Variants in TGIF1 observed in about 807,000 individuals in gnomAD.
TGIF1 encodes the protein TGFB induced factor homeobox 1, also known as homeobox protein TGIF1.
In TGIF1, 4 loss-of-function variants were observed where a neutral mutation model predicts 19.3. The ratio of observed to expected loss-of-function variants is 0.21; its 90% CI spans 0.10 to 0.47. The LOEUF (loss-of-function observed/expected upper bound fraction) is 0.47, where lower values mean the gene tolerates loss of function less well. TGIF1 is among the 20% of genes least tolerant of loss of function. The pLI is 0.98. For synonymous variants in TGIF1, 122 were observed against 129.3 expected, an observed-to-expected ratio of 0.94 and a Z score of 0.38; for missense variants, 275 against 341.4, an observed-to-expected ratio of 0.81 and a Z score of 1.53.
chr18:3,458,123 A>G lies in TGIF1; in HGVS notation c.*183A>G, dbSNP rs2049423368. ...TTCCAAGAACTATAAACTTAAAGCT[A>G]CTGTAGAAACAAAGGGTTTTCTTTT... On this transcript the variant is annotated 3_prime_UTR_variant, in exon 3 of 3. Transcript: ENST00000343820. 1 of 596,958 alleles carries G rather than the reference A, an allele frequency of 1.7e-6. No individual in the cohort carries two copies. Among genetic ancestry groups the G allele is most frequent in the Non-Finnish European group, 2.9e-6 (1 of 344,994 alleles). The allele number at this position is 596,958 out of a possible 1,614,324, so 37.0% of individuals were successfully genotyped here. A position where few individuals can be genotyped will look rare whatever the true frequency, so the allele number is the denominator to read the frequency against.
intron 2 of TGIF1, among the ~76,000 whole-genome samples, chr18:3,419,816 GC>G (rs1313369689): frequency 6.6e-6 from 1 of 152,102 alleles, no homozygotes; most frequent in Non-Finnish European, 1.5e-5. Context: ...GACCAGCCTG[GC>G]CAACATAGCA....
At chr18:3,452,219 C>G (rs757652544) in intron 1 of TGIF1, 32 of 1,586,726 alleles carry the variant, frequency 2.0e-5, no homozygotes, top group Middle Eastern at 1.7e-4. Flanking sequence ...CCTCCTGCGC[C>G]CCCCCTCCTC....
At chr18:3,449,185 G>C (rs2082818730), upstream of TGIF1, among the ~76,000 whole-genome samples, 1 of 152,172 alleles carries the variant, frequency 6.6e-6, no homozygotes, top group Non-Finnish European at 1.5e-5. Context: ...AACAGGAACG[G>C]GTGTTTACTT....
intron 1 of TGIF1, among the ~76,000 whole-genome samples, chr18:3,453,343 C>A (rs2083049210): frequency 6.6e-6 from 1 of 152,124 alleles, no homozygotes; most frequent in Admixed American, 6.6e-5. Flanking sequence ...CTCTTCACAA[C>A]CGGTGTCTCC....
chr18:3,449,417 T>C (rs1048239502), upstream of TGIF1: 17 of 985,264 alleles, frequency 1.7e-5, no homozygotes, highest in East Asian at 4.5e-4. Context: ...TTAAAGAGCA[T>C]GTGAGCGTGA....
chr18:3,438,596 A>ACAC (rs1555647866), intron 2 of TGIF1, among the ~76,000 whole-genome samples: 1 of 136,002 alleles, frequency 7.4e-6, no homozygotes, highest in Non-Finnish European at 1.6e-5. Context: ...CATACACACA[A>ACAC]ACACACACAC....
intron 1 of TGIF1, among the ~76,000 whole-genome samples, chr18:3,452,686 C>T (rs2083014969): frequency 6.6e-6 from 1 of 152,122 alleles, no homozygotes; most frequent in Admixed American, 6.5e-5. Flanking sequence ...CGTGCTCCTC[C>T]GCCGTCCTCC....
chr18:3,457,875 C>T lies in TGIF1; in HGVS notation c.754C>T (p.Leu252Phe), dbSNP rs868260859. The change falls in exon 3 of 3, where the codon CTT becomes TTT. Residue 252 changes from leucine (L) to phenylalanine (F), a missense_variant. Coordinates refer to ENST00000343820, the MANE Select transcript of TGIF1 (RefSeq NM_003244.4). The surrounding 1 kb of genome is among the most constrained non-coding windows in gnomAD (Gnocchi z 4.9). ...CAACCAGGACTTCAGTGGATTTCAG[C>T]TTCTAGTGGATGTTGCACTCAAACG... Reference protein sequence around the residue: ...DLNQDFSGFQLLVDVALKRAA... With the variant: ...DLNQDFSGFQFLVDVALKRAA... 1 of 1,605,556 alleles carries T rather than the reference C, an allele frequency of 6.2e-7. No homozygotes were observed. Among genetic ancestry groups the T allele is most frequent in the Non-Finnish European group, 8.5e-7 (1 of 1,179,986 alleles).
chr18:3,419,493 G>T (rs562932841), intron 2 of TGIF1, among the ~76,000 whole-genome samples: 1 of 152,162 alleles, frequency 6.6e-6, no homozygotes, highest in Non-Finnish European at 1.5e-5. Context: ...TTATTTTTGT[G>T]TGTTTGTTGG....
chr18:3,441,604 AC>A (rs1161023388), intron 2 of TGIF1, among the ~76,000 whole-genome samples: 1 of 152,150 alleles, frequency 6.6e-6, no homozygotes, highest in African/African-American at 2.4e-5. Flanking sequence ...CCACATACAC[AC>A]CCTGCTTTGA....
upstream of TGIF1, chr18:3,449,877 A>G (rs945941665): frequency 7.2e-5 from 71 of 985,394 alleles, no homozygotes; most frequent in Non-Finnish European, 7.5e-5. Flanking sequence ...AGCCCCGGGA[A>G]GAAAGGCCCA....
At chr18:3,422,344 A>G (rs141707450) in intron 2 of TGIF1, among the ~76,000 whole-genome samples, 1 of 150,862 alleles carries the variant, frequency 6.6e-6, no homozygotes, top group African/African-American at 2.4e-5. Flanking sequence ...AGCTTATAGA[A>G]TATGGACATG....
At chr18:3,454,956 G>A (rs1419489156) in intron 1 of TGIF1, among the ~76,000 whole-genome samples, 3 of 152,096 alleles carry the variant, frequency 2.0e-5, no homozygotes, top group African/African-American at 7.2e-5. Flanking sequence ...TAAAAAACAC[G>A]GTGTTTAGCT....
Position 3,451,766 on chromosome 18 carries a change from G to T in TGIF1, c.16+1261G>T, listed in dbSNP as rs1194714810. 1 of 1,253,700 alleles carries T rather than the reference G, an allele frequency of 8.0e-7. No individual in the cohort carries two copies. The highest frequency in any genetic ancestry group is 1.0e-6 in the Non-Finnish European group (1 of 1,000,244). The allele number at this position is 1,253,700 out of a possible 1,614,324, so 77.7% of individuals were successfully genotyped here. A position where few individuals can be genotyped will look rare whatever the true frequency, so the allele number is the denominator to read the frequency against. On this transcript the variant is annotated intron_variant, in intron 1 of 2. Coordinates refer to ENST00000343820, the MANE Select transcript of TGIF1 (RefSeq NM_003244.4). The surrounding 1 kb of genome is among the most constrained non-coding windows in gnomAD (Gnocchi z 5.4). Reference sequence around the variant, plus strand: ...AACTTGAAACTCGGATCAACTGGCAGTCGTTGTTGGTAGAACGCCCTAAGG... The same window carrying T: ...AACTTGAAACTCGGATCAACTGGCATTCGTTGTTGGTAGAACGCCCTAAGG...
At chr18:3,447,525 G>A (rs2082763934), upstream of TGIF1, 2 of 645,594 alleles carry the variant, frequency 3.1e-6, no homozygotes, top group East Asian at 2.8e-5. Context: ...TTTTGAGGCT[G>A]TTCCCTTTGT....
chr18:3,431,725 A>G (rs2082549576), intron 2 of TGIF1, among the ~76,000 whole-genome samples: 1 of 152,210 alleles, frequency 6.6e-6, no homozygotes. Flanking sequence ...TTATTATTTC[A>G]GATGGAGAGG....
Position 3,451,864 on chromosome 18 carries a change from CCGA to C in TGIF1, c.16+1360_16+1362del. 3 of 1,414,768 alleles carry C rather than the reference CCGA, an allele frequency of 2.1e-6. No individual in the cohort carries two copies. The highest frequency in any genetic ancestry group is 1.8e-5 in the South Asian group (1 of 56,804). 87.6% of individuals were successfully genotyped at this position (1,414,768 alleles called of 1,614,324 possible). A position where few individuals can be genotyped will look rare whatever the true frequency, so the allele number is the denominator to read the frequency against. On this transcript the variant is annotated intron_variant, in intron 1 of 2. Transcript: ENST00000343820. This position sits in a 1 kb window ranked among gnomAD's most constrained non-coding sequence, Gnocchi z 5.4. Reference sequence around the variant, plus strand: ...CTGGGAGAAAACGCGCGGGGGGCGTCCGAGACGCCCCGTGAAAGCCGTGCCGAC... The same window carrying C: ...CTGGGAGAAAACGCGCGGGGGGCGTCGACGCCCCGTGAAAGCCGTGCCGAC...
chr18:3,417,393 C>G (rs985040844), intron 1 of TGIF1, among the ~76,000 whole-genome samples: 3 of 152,186 alleles, frequency 2.0e-5, no homozygotes, highest in African/African-American at 7.2e-5. Flanking sequence ...CTCCTGACCT[C>G]AGGTCATCCA....
intron 2 of TGIF1, among the ~76,000 whole-genome samples, chr18:3,443,121 C>G (rs238544): frequency 1.3e-5 from 2 of 151,988 alleles, no homozygotes; most frequent in Admixed American, 6.5e-5. Context: ...TGGGCCCAGC[C>G]GGTTCATTAT....
Sources: allele counts gnomAD v4.1 joint callset (sites outside exome capture counted in the v4.1 genomes callset), GRCh38; gene constraint gnomAD v4.1.1; non-coding constraint Gnocchi (gnomAD v3.1); transcripts MANE v1.5; gene names NCBI Gene and HGNC (gene_info 2026-07-23, HGNC 2026-07-21).